NOL4L: variants seen among roughly 807,000 people sequenced by gnomAD.
NOL4L encodes nucleolar protein 4-like.
Under a neutral mutation model 64.5 loss-of-function variants are expected in NOL4L, and 7 were observed. The ratio of observed to expected loss-of-function variants is 0.11; its 90% CI spans 0.06 to 0.20. The LOEUF (loss-of-function observed/expected upper bound fraction) is 0.20, where lower values mean the gene tolerates loss of function less well. Ranked by LOEUF, NOL4L falls within the 10% of genes least tolerant of loss-of-function variation. NOL4L has a pLI of 1.00. For synonymous variants in NOL4L, 413 were observed against 401.0 expected (o/e 1.03, Z -0.36); for missense variants, 680 against 967.1 (o/e 0.70, Z 3.94).
At chr20:32,514,503 A>T (rs540058812) in intron 3 of NOL4L, among the ~76,000 whole-genome samples, 2 of 152,110 alleles carry the variant, frequency 1.3e-5, no homozygotes, top group East Asian at 1.9e-4. Context: ...GGAAAAAAAA[A>T]AAGTAAATGT....
chr20:32,536,399 G>A (rs1228696560), intron 1 of NOL4L: 3 of 774,424 alleles, frequency 3.9e-6, no homozygotes, highest in Non-Finnish European at 4.7e-6. Flanking sequence ...TGGAGGGGGA[G>A]GGGAGTGGGC....
intron 1 of NOL4L, among the ~76,000 whole-genome samples, chr20:32,537,699 C>A (rs1026930738): frequency 6.6e-6 from 1 of 152,086 alleles, no homozygotes; most frequent in Non-Finnish European, 1.5e-5. Context: ...GTCCCAGCAT[C>A]GTGAGTAGCT....
chr20:32,443,787 TA>T lies in NOL4L; in HGVS notation c.*3808del, dbSNP rs3833318. 34,013 of 152,152 alleles carry T rather than the reference TA, an allele frequency of 0.22. 4,325 individuals are homozygous for T. The highest frequency in any genetic ancestry group is 0.34 in the African/African-American group (14,120 of 41,430). 9.4% of individuals were successfully genotyped at this position (152,152 alleles called of 1,614,324 possible). On this transcript the variant is annotated 3_prime_UTR_variant, in exon 11 of 11. Transcript: ENST00000621426. Reference sequence around the variant, plus strand: ...ACTCCCAGGCTGCCCAGGGAAGAACTACATTCATCCCACAGCTCTGCAGCAA... The same window carrying T: ...ACTCCCAGGCTGCCCAGGGAAGAACTCATTCATCCCACAGCTCTGCAGCAA...
chr20:32,544,157 C>T (rs909800946), intron 1 of NOL4L, among the ~76,000 whole-genome samples: 3 of 151,842 alleles, frequency 2.0e-5, no homozygotes, highest in Admixed American at 6.6e-5. Flanking sequence ...TCTGACTGCT[C>T]GTGGAAAATG....
chr20:32,470,424 C>T (rs1043832057), intron 5 of NOL4L, among the ~76,000 whole-genome samples: 2 of 152,252 alleles, frequency 1.3e-5, no homozygotes, highest in African/African-American at 2.4e-5. Context: ...CCAGCACCTG[C>T]GTGGTGCCAG....
At position 32,494,252 on chromosome 20, in the gene NOL4L, G is replaced by GA. The variant is rs1568654908; in HGVS notation, c.699+17094_699+17095insT. Among the ~76,000 whole-genome samples the GA allele has an allele frequency of 7.5e-3, 204 of 27,066 alleles. 13 individuals are homozygous for GA. The highest frequency in any genetic ancestry group is 0.031 in the African/African-American group (201 of 6,458). The allele number at this position is 27,066 out of a possible 152,430, so 17.8% of individuals were successfully genotyped here. Reference sequence around the variant, plus strand: ...TGGGCCACAGAGTGAGATAATCTCGGGAAAAAAAAAAAAAAAAAAAAAAAA... The same window carrying GA: ...TGGGCCACAGAGTGAGATAATCTCGGAGAAAAAAAAAAAAAAAAAAAAAAAA... On this transcript the variant is annotated intron_variant, in intron 4 of 10. Transcript: ENST00000621426.
At chr20:32,583,226 C>A (rs902559439) in intron 1 of NOL4L, among the ~76,000 whole-genome samples, 2 of 151,602 alleles carry the variant, frequency 1.3e-5, no homozygotes, top group African/African-American at 4.8e-5. Context: ...CCTGCAGCCC[C>A]GTCCCCTGGG....
chr20:32,453,184 G>T lies in NOL4L; in HGVS notation c.1497+120C>A. ...CCTCATTTGCAAACCAGGGATTATGGTACTTGCTTCCAGGGCTCCTGGGAA... is the reference window on the plus strand; with the variant it reads ...CCTCATTTGCAAACCAGGGATTATGTTACTTGCTTCCAGGGCTCCTGGGAA... On this transcript the variant is annotated intron_variant, in intron 8 of 10. Transcript: ENST00000621426. This position sits in a 1 kb window ranked among gnomAD's most constrained non-coding sequence, Gnocchi z 5.6. The T allele has an allele frequency of 7.0e-7, 1 of 1,419,884 alleles. No homozygotes were observed. The highest frequency in any genetic ancestry group is 9.5e-7 in the Non-Finnish European group (1 of 1,047,270). 88.0% of individuals were successfully genotyped at this position (1,419,884 alleles called of 1,614,324 possible).
intron 4 of NOL4L, among the ~76,000 whole-genome samples, chr20:32,503,077 A>G (rs961597979): frequency 3.4e-4 from 52 of 152,148 alleles, no homozygotes; most frequent in African/African-American, 1.1e-3. Flanking sequence ...CTCCAACTGT[A>G]TGTCCTCTCA....
intron 4 of NOL4L, among the ~76,000 whole-genome samples, chr20:32,493,226 C>A (rs1043405108): frequency 6.6e-6 from 1 of 152,202 alleles, no homozygotes; most frequent in Non-Finnish European, 1.5e-5. Context: ...GACTAACTTA[C>A]GTTCACTCGG....
intron 1 of NOL4L, among the ~76,000 whole-genome samples, chr20:32,580,767 TG>T (rs1980416230): frequency 6.6e-6 from 1 of 152,148 alleles, no homozygotes; most frequent in African/African-American, 2.4e-5. Flanking sequence ...ATCTGGAAGA[TG>T]GTACAGTTGG....
intron 1 of NOL4L, among the ~76,000 whole-genome samples, chr20:32,551,168 G>A (rs1490672189): frequency 2.0e-5 from 3 of 151,940 alleles, no homozygotes; most frequent in East Asian, 1.9e-4. Context: ...CTGCGGTCAC[G>A]AGTTCGAGAC....
chr20:32,485,655 A>T, intron 4 of NOL4L: 1 of 432,722 alleles, frequency 2.3e-6, no homozygotes, highest in South Asian at 1.7e-5. Flanking sequence ...GGCTTTATTT[A>T]TCCACACATG....
Position 32,443,266 on chromosome 20 carries a change from CAG to C in NOL4L, c.*4328_*4329del, listed in dbSNP as rs1056720825. 1 of 152,160 alleles carries C rather than the reference CAG, an allele frequency of 6.6e-6. No homozygotes were observed. The highest frequency in any genetic ancestry group is 2.4e-5 in the African/African-American group (1 of 41,420). 9.4% of individuals were successfully genotyped at this position (152,160 alleles called of 1,614,324 possible). A position where few individuals can be genotyped will look rare whatever the true frequency, so the allele number is the denominator to read the frequency against. ...TGTGCTAGTCATTCCACAAACAAAA[CAG>C]AATTTAGTCACATCACGTAGAGAAG... is the stretch of plus-strand genomic sequence containing the variant. On this transcript the variant is annotated 3_prime_UTR_variant, in exon 11 of 11. Transcript: ENST00000621426.
chr20:32,549,092 G>A (rs2018766762), intron 1 of NOL4L, among the ~76,000 whole-genome samples: 1 of 152,172 alleles, frequency 6.6e-6, no homozygotes, highest in African/African-American at 2.4e-5. Flanking sequence ...TCAAGCAACA[G>A]AAGAAAAATT....
chr20:32,501,375 A>C (rs1428658564), intron 4 of NOL4L, among the ~76,000 whole-genome samples: 2 of 152,246 alleles, frequency 1.3e-5, no homozygotes, highest in Admixed American at 6.5e-5. Context: ...CAAAGCCCAA[A>C]GAAGACTAAA....
intron 5 of NOL4L, among the ~76,000 whole-genome samples, chr20:32,465,677 G>A (rs2014481660): frequency 1.3e-5 from 2 of 152,220 alleles, no homozygotes. Flanking sequence ...TCACGGGGCA[G>A]GGCCCTGGCC....
At chr20:32,540,027 C>A (rs1373469685) in intron 1 of NOL4L, among the ~76,000 whole-genome samples, 1 of 152,228 alleles carries the variant, frequency 6.6e-6, no homozygotes, top group Admixed American at 6.5e-5. Flanking sequence ...GTTTTCTGTG[C>A]ACAGAGCAGT....
intron 1 of NOL4L, among the ~76,000 whole-genome samples, chr20:32,559,271 C>T (rs1451797721): frequency 6.6e-6 from 1 of 152,154 alleles, no homozygotes; most frequent in African/African-American, 2.4e-5. Flanking sequence ...GACCTCATAC[C>T]TCACCTCCCT....
Sources: gnomAD v4.1 joint callset for allele counts (sites outside exome capture counted in the v4.1 genomes callset) on GRCh38, gnomAD v4.1.1 for gene constraint, Gnocchi (gnomAD v3.1) non-coding constraint, MANE v1.5 for transcripts, NCBI Gene and HGNC (gene_info 2026-07-23, HGNC 2026-07-21) for gene names.